HPSE2: variants seen among roughly 807,000 people sequenced by gnomAD.
The protein encoded by HPSE2 is heparanase 2 (inactive).
In HPSE2, 38 loss-of-function variants were observed where a neutral mutation model predicts 60.5. The ratio of observed to expected loss-of-function variants is 0.63; its 90% confidence interval spans 0.48 to 0.82. The LOEUF is 0.82. Ranked by LOEUF, HPSE2 falls within the 40% of genes least tolerant of loss-of-function variation. HPSE2 has a pLI of 0.00. For synonymous variants in HPSE2, 295 were observed against 293.2 expected (o/e 1.01, Z -0.06); for missense variants, 713 against 740.4 (o/e 0.96, Z 0.43).
At chr10:98,738,914 C>G (rs1250736487) in intron 4 of HPSE2, among the ~76,000 whole-genome samples, 2 of 152,106 alleles carry the variant, frequency 1.3e-5, no homozygotes, top group South Asian at 4.1e-4. Flanking sequence ...GACAGTGTGG[C>G]GATTCCTCAA....
At chr10:98,949,611 C>A (rs1161169679) in intron 3 of HPSE2, among the ~76,000 whole-genome samples, 1 of 152,148 alleles carries the variant, frequency 6.6e-6, no homozygotes, top group Non-Finnish European at 1.5e-5. Context: ...GCACCCCTTT[C>A]TGAAGTTACC....
In HPSE2 at chr10:98,594,326, T is replaced by C. The variant is rs1048774281; in HGVS notation, c.1320+20578A>G. Among the ~76,000 whole-genome samples the C allele has an allele frequency of 2.0e-5, 3 of 152,086 alleles. No homozygotes were observed. The East Asian group carries it at 5.8e-4, about 29-fold the overall frequency. Reference sequence around the variant, plus strand: ...CCCCTTCCCCACCACAAGCCCATGATATACACCATTATACTCTCTGCTCCT... The same window carrying C: ...CCCCTTCCCCACCACAAGCCCATGACATACACCATTATACTCTCTGCTCCT... On this transcript the variant is annotated intron_variant, in intron 9 of 11. Coordinates refer to ENST00000370552, the MANE Select transcript of HPSE2 (RefSeq NM_021828.5).
chr10:98,540,321 A>G (rs148327979), intron 9 of HPSE2, among the ~76,000 whole-genome samples: 106 of 152,318 alleles, frequency 7.0e-4, no homozygotes, highest in African/African-American at 2.4e-3. Flanking sequence ...GGGCATGAAA[A>G]TCTACATTTG....
At chr10:98,522,347 A>G (rs555189072) in intron 9 of HPSE2, among the ~76,000 whole-genome samples, 6 of 152,148 alleles carry the variant, frequency 3.9e-5, no homozygotes, top group South Asian at 2.1e-4. Context: ...CATCCACTAT[A>G]AGAGAAACTA....
intron 9 of HPSE2, among the ~76,000 whole-genome samples, chr10:98,507,720 T>C (rs1434600727): frequency 6.6e-6 from 1 of 152,136 alleles, no homozygotes; most frequent in Non-Finnish European, 1.5e-5. Context: ...AGAATCAAAT[T>C]AGAGTTCCAT....
chr10:98,804,555 G>T (rs1446363264), intron 3 of HPSE2, among the ~76,000 whole-genome samples: 1 of 152,068 alleles, frequency 6.6e-6, no homozygotes, highest in Non-Finnish European at 1.5e-5. Flanking sequence ...GATCATCAGA[G>T]AAATGCAAAT....
At chr10:98,468,139 G>C (rs566374512) in intron 11 of HPSE2, among the ~76,000 whole-genome samples, 1 of 152,382 alleles carries the variant, frequency 6.6e-6, no homozygotes, top group South Asian at 2.1e-4. Context: ...GAGTCCCGAG[G>C]AGGCCCAGTC....
At chr10:98,729,453 C>A (rs1949174143) in intron 4 of HPSE2, among the ~76,000 whole-genome samples, 2 of 151,776 alleles carry the variant, frequency 1.3e-5, no homozygotes, top group Admixed American at 6.6e-5. Context: ...GCTAAAAACA[C>A]AAAAAATTAG....
At chr10:98,571,837 G>T (rs1028831577) in intron 9 of HPSE2, among the ~76,000 whole-genome samples, 2 of 152,130 alleles carry the variant, frequency 1.3e-5, no homozygotes, top group Admixed American at 1.3e-4. Flanking sequence ...TGGCAGTTAA[G>T]CCAAGCTTAT....
the HPSE2 span, among the ~76,000 whole-genome samples, chr10:99,273,549 T>G: frequency 2.0e-5 from 3 of 152,194 alleles, no homozygotes; most frequent in African/African-American, 4.8e-5. Flanking sequence ...CTGAGAAAAT[T>G]GGGTTCTAAA....
chr10:98,503,270 A>G (rs1343731660), intron 9 of HPSE2, among the ~76,000 whole-genome samples: 1 of 152,142 alleles, frequency 6.6e-6, no homozygotes, highest in Non-Finnish European at 1.5e-5. Flanking sequence ...AAAACACTCA[A>G]CATAACTAAT....
chr10:98,645,546 C>G (rs1048020796), intron 6 of HPSE2, among the ~76,000 whole-genome samples: 1 of 152,192 alleles, frequency 6.6e-6, no homozygotes, highest in Non-Finnish European at 1.5e-5. Flanking sequence ...ATTTGAATGT[C>G]AAAGGAATCC....
chr10:98,546,761 A>T (rs1400842874), intron 9 of HPSE2, among the ~76,000 whole-genome samples: 4 of 150,770 alleles, frequency 2.7e-5, no homozygotes, highest in Non-Finnish European at 5.9e-5. Flanking sequence ...CTTCATGTCT[A>T]AAACACCAAA....
At chr10:98,611,113 G>T (rs573739110) in intron 9 of HPSE2, among the ~76,000 whole-genome samples, 49 of 152,346 alleles carry the variant, frequency 3.2e-4, no homozygotes, top group Non-Finnish European at 5.6e-4. Flanking sequence ...GGGGAAGGGA[G>T]TGGGAGTCGA....
intron 3 of HPSE2, among the ~76,000 whole-genome samples, chr10:98,932,603 CT>C (rs35173219): frequency 0.59 from 74,325 of 125,918 alleles, 24,419 homozygotes; most frequent in Non-Finnish European, 0.65. Flanking sequence ...TGGAGCTGGG[CT>C]TTTTTTTTTT....
chr10:98,789,897 G>T (rs1039856861), intron 3 of HPSE2, among the ~76,000 whole-genome samples: 1 of 152,068 alleles, frequency 6.6e-6, no homozygotes, highest in East Asian at 1.9e-4. Context: ...ATATTCCCAC[G>T]TAATAGTTGA....
At chr10:98,698,312 A>T (rs922114265) in intron 5 of HPSE2, among the ~76,000 whole-genome samples, 1 of 151,614 alleles carries the variant, frequency 6.6e-6, no homozygotes, top group African/African-American at 2.4e-5. Flanking sequence ...AGTGCAATCA[A>T]ACTAGAACTC....
chr10:98,770,747 A>G (rs1053830727), intron 3 of HPSE2, among the ~76,000 whole-genome samples: 10 of 151,996 alleles, frequency 6.6e-5, no homozygotes, highest in Admixed American at 3.9e-4. Context: ...GGAACATCTA[A>G]TCGTATCTTA....
At chr10:98,970,814 A>T (rs1301048989) in intron 3 of HPSE2, among the ~76,000 whole-genome samples, 1 of 152,210 alleles carries the variant, frequency 6.6e-6, no homozygotes, top group African/African-American at 2.4e-5. Context: ...GAAGTTTCCC[A>T]TGGCATAAAG....
Sources: gnomAD v4.1 joint callset for allele counts (sites outside exome capture counted in the v4.1 genomes callset) on GRCh38, gnomAD v4.1.1 for gene constraint, MANE v1.5 for transcripts, NCBI Gene and HGNC (gene_info 2026-07-23, HGNC 2026-07-21) for gene names.